Variants in FBLN1 observed in about 807,000 individuals in gnomAD.
FBLN1 encodes fibulin 1.
A neutral mutation model predicts 89.7 loss-of-function variants in FBLN1; 34 were observed. That is an observed-to-expected ratio of 0.38 (90% CI 0.29 to 0.50). The LOEUF (loss-of-function observed/expected upper bound fraction) is 0.50, where lower values mean the gene tolerates loss of function less well. FBLN1 is among the 20% of genes least tolerant of loss of function. FBLN1 has a pLI of 0.92. For synonymous variants in FBLN1, 393 were observed against 391.3 expected (o/e 1.00, Z -0.05); for missense variants, 777 against 988.1 (o/e 0.79, Z 2.86).
In FBLN1 at chr22:45,550,030, C is replaced by T. The variant is rs557697873; in HGVS notation, c.1574-462C>T. ...CTGAGCCTCGGGAGCCACAGAGAGG[C>T]TCTGGTTAGTTAGTGTATGGACTCT... On this transcript the variant is annotated intron_variant, in intron 13 of 16. Transcript: ENST00000327858. This position sits in a 1 kb window ranked among gnomAD's most constrained non-coding sequence, Gnocchi z 8.4. 1.3e-5 allele frequency among the ~76,000 whole-genome samples: 2 copies of T among 152,306 alleles called. No individual in the cohort carries two copies. The highest frequency in any genetic ancestry group is 2.1e-4 in the South Asian group (1 of 4,828).
rs752109463 is a variant in FBLN1 at position 45,533,050 on chromosome 22, G to A, written c.545-13G>A. On this transcript the variant is annotated splice_polypyrimidine_tract_variant and intron_variant, in intron 5 of 16. Coordinates refer to ENST00000327858, the MANE Select transcript of FBLN1 (RefSeq NM_006486.3). ...GTGCGTCCATCCCTGGCTCATGCAC[G>A]CTGTGCTTCCAGGAGGCGGGCCCTG... 1.2e-5 allele frequency: 20 copies of A among 1,612,682 alleles called. 2 individuals carry two copies. In the South Asian group the frequency reaches 1.8e-4, roughly 14 times the overall value.
Position 45,577,218 on chromosome 22 carries a change from C to A in FBLN1, c.1972+110C>A. On this transcript the variant is annotated intron_variant, in intron 16 of 16. Coordinates refer to ENST00000327858, the MANE Select transcript of FBLN1 (RefSeq NM_006486.3). The surrounding 1 kb of genome is among the most constrained non-coding windows in gnomAD (Gnocchi z 6.6). ...TGAGTCCCCTCCCCAAATTCAAGCC[C>A]ACCCAACCTTCAGGGCCCAGCGCCG... is the stretch of plus-strand genomic sequence containing the variant. The A allele has an allele frequency of 7.7e-7, 1 of 1,305,952 alleles. No homozygotes were observed. Among genetic ancestry groups the A allele is most frequent in the Non-Finnish European group, 1.1e-6 (1 of 924,764 alleles). 80.9% of individuals were successfully genotyped at this position (1,305,952 alleles called of 1,614,324 possible).
intron 14 of FBLN1, among the ~76,000 whole-genome samples, chr22:45,570,665 C>T (rs778543057): frequency 6.6e-6 from 1 of 151,912 alleles, no homozygotes; most frequent in African/African-American, 2.4e-5. Context: ...CAGAAGAAGC[C>T]GAATACATGG....
chr22:45,596,107 G>T (rs977387841), intron 16 of FBLN1, among the ~76,000 whole-genome samples: 4 of 152,228 alleles, frequency 2.6e-5, no homozygotes, highest in Non-Finnish European at 5.9e-5. Context: ...CTGACCTTGT[G>T]ATCCGCCCGC....
intron 1 of FBLN1, among the ~76,000 whole-genome samples, chr22:45,506,827 A>C (rs965542558): frequency 6.6e-6 from 1 of 152,234 alleles, no homozygotes; most frequent in Non-Finnish European, 1.5e-5. Flanking sequence ...GGCTCTGAGC[A>C]CTGGGCACCT....
At chr22:45,548,875 G>T (rs2146992171) in intron 13 of FBLN1, 131 bp downstream of exon 13, 1 of 1,428,928 alleles carries the variant, frequency 7.0e-7, no homozygotes. Context: ...ATGCATTCAG[G>T]AAAAGGAGGC....
At chr22:45,582,996 C>G (rs1354978074) in intron 16 of FBLN1, among the ~76,000 whole-genome samples, 1 of 152,194 alleles carries the variant, frequency 6.6e-6, no homozygotes, top group Non-Finnish European at 1.5e-5. Flanking sequence ...GCGTTGGAAT[C>G]ACCTGGTGCC....
intron 1 of FBLN1, among the ~76,000 whole-genome samples, chr22:45,514,594 G>A (rs1171755294): frequency 1.3e-5 from 2 of 152,182 alleles, no homozygotes; most frequent in Non-Finnish European, 2.9e-5. Flanking sequence ...TCCACCCCCT[G>A]GGACGATGGA....
intron 7 of FBLN1, among the ~76,000 whole-genome samples, chr22:45,534,143 G>A (rs1057278121): frequency 6.6e-6 from 1 of 152,056 alleles, no homozygotes; most frequent in Non-Finnish European, 1.5e-5. Context: ...GTAGTGCACC[G>A]GTGCCAGCTA....
chr22:45,598,119 C>T (rs1428885205), intron 16 of FBLN1, among the ~76,000 whole-genome samples: 1 of 152,234 alleles, frequency 6.6e-6, no homozygotes, highest in Non-Finnish European at 1.5e-5. Context: ...TTGTGGCAAA[C>T]AGTCAGTAGC....
Position 45,550,706 on chromosome 22 carries a change from C to G in FBLN1, c.1697+91C>G, listed in dbSNP as rs1015609781. On this transcript the variant is annotated intron_variant, in intron 14 of 16. Coordinates refer to ENST00000327858, the MANE Select transcript of FBLN1 (RefSeq NM_006486.3). The surrounding 1 kb of genome is among the most constrained non-coding windows in gnomAD (Gnocchi z 8.4). ...GGTGGGTGGGTTATCAGGCTGTGAC[C>G]TCGGTGTCCTCCCATGAGGGACTCA... 1 of 1,578,158 alleles carries G rather than the reference C, an allele frequency of 6.3e-7. No individual in the cohort carries two copies. Among genetic ancestry groups the G allele is most frequent in the African/African-American group, 1.3e-5 (1 of 74,282 alleles).
rs1379768716 is a variant in FBLN1, at chr22:45,597,628, C to T, written c.1973-2679C>T. Among the ~76,000 whole-genome samples, 1 of 152,166 alleles carries T rather than the reference C, an allele frequency of 6.6e-6. No homozygotes were observed. The highest frequency in any genetic ancestry group is 1.5e-5 in the Non-Finnish European group (1 of 68,034). On this transcript the variant is annotated intron_variant, in intron 16 of 16. Transcript: ENST00000327858. This position sits in a 1 kb window ranked among gnomAD's most constrained non-coding sequence, Gnocchi z 4.2. Reference sequence around the variant, plus strand: ...AGGGAGGGGCAGGCAGGAGTGACCCCGTCATCAGGTTCTGCTGGCGAGCCC... The same window carrying T: ...AGGGAGGGGCAGGCAGGAGTGACCCTGTCATCAGGTTCTGCTGGCGAGCCC...
chr22:45,573,591 G>C (rs551734241), intron 14 of FBLN1, among the ~76,000 whole-genome samples: 2 of 150,046 alleles, frequency 1.3e-5, no homozygotes, highest in African/African-American at 4.9e-5. Flanking sequence ...TGAGGCAGGA[G>C]AATCGCTTGA....
intron 3 of FBLN1, among the ~76,000 whole-genome samples, chr22:45,525,968 A>G (rs2088322492): frequency 6.6e-6 from 1 of 152,234 alleles, no homozygotes; most frequent in Non-Finnish European, 1.5e-5. Context: ...CATTGGGCAG[A>G]TGCAGAAGTC....
intron 7 of FBLN1, 144 bp downstream of exon 7, chr22:45,534,042 G>C: frequency 8.6e-7 from 1 of 1,156,474 alleles, no homozygotes; most frequent in Non-Finnish European, 1.3e-6. Flanking sequence ...CTGCAGGAGG[G>C]AGGTGGTTAT....
chr22:45,515,669 C>T (rs1368301035), intron 1 of FBLN1, among the ~76,000 whole-genome samples: 1 of 152,204 alleles, frequency 6.6e-6, no homozygotes. Flanking sequence ...TTCTTATGAG[C>T]AGCGATAAGT....
At chr22:45,527,724 T>C in intron 3 of FBLN1, 123 bp from the exon 4 acceptor site, 1 of 972,114 alleles carries the variant, frequency 1.0e-6, no homozygotes, top group African/African-American at 1.6e-5. Flanking sequence ...AAGCCAGACT[T>C]GAGTCATCAC....
At position 45,542,178 on chromosome 22, in the gene FBLN1, G is replaced by A; in HGVS notation, c.1090G>A (p.Ala364Thr). The A allele has an allele frequency of 6.2e-7, 1 of 1,614,200 alleles. No individual in the cohort carries two copies. Residue 364 changes from alanine (A) to threonine (T), a missense_variant, in exon 10 of 17, where the codon GCT (alanine) becomes ACT (threonine). Transcript: ENST00000327858. ...CVDVDECAPP[A>T]EPCGKGHRCV... Reference sequence around the variant, plus strand: ...AGATGTGGACGAGTGCGCGCCACCTGCTGAGCCCTGTGGGAAGGGACATCG... The same window carrying A: ...AGATGTGGACGAGTGCGCGCCACCTACTGAGCCCTGTGGGAAGGGACATCG...
intron 3 of FBLN1, among the ~76,000 whole-genome samples, 200 bp from the exon 4 acceptor site, chr22:45,527,647 T>C (rs1489351014): frequency 6.6e-6 from 1 of 152,076 alleles, no homozygotes; most frequent in African/African-American, 2.4e-5. Context: ...AACTGGGACC[T>C]AGATGATTTG....
Sources: gnomAD v4.1 joint callset for allele counts (sites outside exome capture counted in the v4.1 genomes callset) on GRCh38, gnomAD v4.1.1 for gene constraint, Gnocchi (gnomAD v3.1) non-coding constraint, MANE v1.5 for transcripts, NCBI Gene and HGNC (gene_info 2026-07-23, HGNC 2026-07-21) for gene names.